GDPD4: variants seen among roughly 807,000 people sequenced by gnomAD.
GDPD4 encodes the protein glycerophosphodiester phosphodiesterase domain containing 4.
A neutral mutation model predicts 67.8 loss-of-function variants in GDPD4; 60 were observed. That is an observed-to-expected ratio of 0.88 (90% CI 0.72 to 1.10). The LOEUF (loss-of-function observed/expected upper bound fraction) is 1.10. GDPD4 is among the 50% of genes least tolerant of loss of function. The probability of loss-of-function intolerance (pLI) is 0.00; values close to 1 mark genes in which losing one functional copy is unlikely to be tolerated. For synonymous variants in GDPD4, 212 were observed against 210.9 expected (o/e 1.00, Z -0.04); for missense variants, 623 against 613.9 (o/e 1.01, Z -0.16).
At chr11:77,281,638 G>C (rs1421894818) in intron 3 of GDPD4, among the ~76,000 whole-genome samples, 1 of 152,192 alleles carries the variant, frequency 6.6e-6, no homozygotes, top group East Asian at 1.9e-4. Context: ...ATTGGCTGAG[G>C]TACAGGAAGC....
chr11:77,243,578 G>A, intron 13 of GDPD4, 116 bp downstream of exon 13: 3 of 888,806 alleles, frequency 3.4e-6, no homozygotes, highest in East Asian at 4.9e-5. Flanking sequence ...ATTCAAAGGA[G>A]ATAACCACAC....
At position 77,240,138 on chromosome 11, in the gene GDPD4, A is replaced by AAT. The variant is rs1486261047; in HGVS notation, c.1241+3555_1241+3556insAT. Reference sequence around the variant, plus strand: ...GTAATTTTTCACAGAAATAAAAAAAAAATCCTTAAATTTGTATGACCACTA... The same window carrying AAT: ...GTAATTTTTCACAGAAATAAAAAAAAATAATCCTTAAATTTGTATGACCACTA... On this transcript the variant is annotated intron_variant, in intron 13 of 16. Transcript: ENST00000315938. 1.3e-5 allele frequency among the ~76,000 whole-genome samples: 2 copies of AAT among 151,798 alleles called. 1 individual carries two copies. Among genetic ancestry groups the AAT allele is most frequent in the Non-Finnish European group, 2.9e-5 (2 of 67,944 alleles).
chr11:77,230,699 T>C (rs113338124), intron 14 of GDPD4, among the ~76,000 whole-genome samples: 2,431 of 152,318 alleles, frequency 0.016, 21 homozygotes, highest in African/African-American at 0.025. Flanking sequence ...TTGTGAAGTA[T>C]GTATGTGGCA....
chr11:77,265,127 A>C (rs959440909), intron 10 of GDPD4, among the ~76,000 whole-genome samples: 4 of 152,212 alleles, frequency 2.6e-5, no homozygotes, highest in South Asian at 2.1e-4. Flanking sequence ...TACAAGCTTC[A>C]ATCATCTGGC....
rs1444379306 is a variant in GDPD4, at chr11:77,217,231, C to CACA, written c.*43_*45dup. 6.1e-6 allele frequency: 9 copies of CACA among 1,469,832 alleles called. No homozygotes were observed. Among genetic ancestry groups the CACA allele is most frequent in the Non-Finnish European group, 8.6e-6 (9 of 1,048,578 alleles). The allele number at this position is 1,469,832 out of a possible 1,614,324, so 91.0% of individuals were successfully genotyped here. On this transcript the variant is annotated 3_prime_UTR_variant, in exon 17 of 17. Coordinates refer to ENST00000315938, the MANE Select transcript of GDPD4 (RefSeq NM_182833.3). The stretch of plus-strand genomic sequence containing the variant: ...GGGCTGCTAGAGTCCAAGGACCTTC[C>CACA]ACAACTCGGACAGGAGGTTTCATGG...
intron 11 of GDPD4, among the ~76,000 whole-genome samples, chr11:77,251,144 T>C (rs1325522083): frequency 6.6e-6 from 1 of 152,210 alleles, no homozygotes; most frequent in Non-Finnish European, 1.5e-5. Flanking sequence ...ACATTCAAGG[T>C]TATTATAATA....
At chr11:77,297,601 G>T (rs1938019818) in intron 1 of GDPD4, among the ~76,000 whole-genome samples, 1 of 150,684 alleles carries the variant, frequency 6.6e-6, no homozygotes. Context: ...TCCCAGCTTT[G>T]CCATATTTAG....
At chr11:77,217,793 G>A (rs1319575699) in intron 16 of GDPD4, among the ~76,000 whole-genome samples, 1 of 152,106 alleles carries the variant, frequency 6.6e-6, no homozygotes, top group African/African-American at 2.4e-5. Flanking sequence ...TAATAATGGA[G>A]CTAGGAGATC....
In GDPD4 at chr11:77,245,192, T is replaced by C. The variant is rs552412875; in HGVS notation, c.1086+89A>G. 6.0e-4 allele frequency: 526 copies of C among 879,274 alleles called. 2 individuals are homozygous for C. Among genetic ancestry groups the C allele is most frequent in the Middle Eastern group, 4.9e-3 (22 of 4,468 alleles). The allele number at this position is 879,274 out of a possible 1,614,324, so 54.5% of individuals were successfully genotyped here. On this transcript the variant is annotated intron_variant, in intron 12 of 16. Coordinates refer to ENST00000315938, the MANE Select transcript of GDPD4 (RefSeq NM_182833.3). ...AATTACTTAAGGATCCCAGGGTAGA[T>C]GTACAAGGTAGGTCAAGTTCAACTA... is the stretch of plus-strand genomic sequence containing the variant.
chr11:77,222,693 C>G (rs1313500536), intron 16 of GDPD4, among the ~76,000 whole-genome samples: 1 of 152,160 alleles, frequency 6.6e-6, no homozygotes, highest in Non-Finnish European at 1.5e-5. Context: ...CTTTGTGAAT[C>G]TGACAATTAT....
intron 14 of GDPD4, among the ~76,000 whole-genome samples, chr11:77,232,334 G>T (rs1958470534): frequency 6.6e-6 from 1 of 152,214 alleles, no homozygotes; most frequent in Non-Finnish European, 1.5e-5. Flanking sequence ...ACTGTTTTCT[G>T]TTGTATGCTA....
chr11:77,271,306 G>T lies in GDPD4; in HGVS notation c.295C>A (p.Leu99Met). The T allele has an allele frequency of 6.2e-7, 1 of 1,612,806 alleles. No individual in the cohort carries two copies. Residue 99 changes from leucine to methionine, a missense_variant, in exon 6 of 17, where the codon CTG (leucine) becomes ATG (methionine). Leu to Met is a conservative substitution (Grantham distance 15). Coordinates refer to ENST00000315938, the MANE Select transcript of GDPD4 (RefSeq NM_182833.3). Reference protein sequence around the residue: ...FWKERWLVAGLSMQIFAPYVH... With the variant: ...FWKERWLVAGMSMQIFAPYVH... ...AGGATGATGCTTACCTGCATTGACA[G>T]CCCAGCTACCAGCCACCTTTCTTTC...
intron 7 of GDPD4, 135 bp downstream of exon 7, chr11:77,270,995 C>A: frequency 1.5e-6 from 1 of 653,520 alleles, no homozygotes; most frequent in South Asian, 1.9e-5. Context: ...CAGGAGCATG[C>A]CTGAGTAACA....
intron 10 of GDPD4, among the ~76,000 whole-genome samples, chr11:77,266,819 T>C (rs752083349): frequency 1.3e-5 from 2 of 152,246 alleles, no homozygotes; most frequent in Non-Finnish European, 2.9e-5. Context: ...TTTGTACAGC[T>C]GTACAATGTA....
chr11:77,298,800 T>C (rs959777021), intron 1 of GDPD4, among the ~76,000 whole-genome samples: 1 of 152,092 alleles, frequency 6.6e-6, no homozygotes, highest in Admixed American at 6.5e-5. Context: ...CATTTCAAAA[T>C]ATGGCAAAGA....
intron 1 of GDPD4, among the ~76,000 whole-genome samples, chr11:77,289,169 T>C (rs1591580596): frequency 2.0e-5 from 3 of 149,744 alleles, no homozygotes; most frequent in East Asian, 4.0e-4. Context: ...CGAGACCAGC[T>C]TGGCCAACAT....
chr11:77,265,019 A>C (rs1959171875), intron 10 of GDPD4, among the ~76,000 whole-genome samples: 1 of 152,132 alleles, frequency 6.6e-6, no homozygotes, highest in African/African-American at 2.4e-5. Context: ...CTGTTTAATA[A>C]GACAACCTTT....
At chr11:77,290,838 C>A (rs1389687190) in intron 1 of GDPD4, among the ~76,000 whole-genome samples, 1 of 152,084 alleles carries the variant, frequency 6.6e-6, no homozygotes, top group South Asian at 2.1e-4. Context: ...CATTATCTTA[C>A]CCCTGTTAGA....
chr11:77,224,128 C>G (rs1958280069), intron 16 of GDPD4: 1 of 152,238 alleles, frequency 6.6e-6, no homozygotes, highest in African/African-American at 2.4e-5. Context: ...AAAGGGAAAT[C>G]CCCCGACCCC....
Sources: gnomAD v4.1 joint callset for allele counts (sites outside exome capture counted in the v4.1 genomes callset) on GRCh38, gnomAD v4.1.1 for gene constraint, MANE v1.5 for transcripts, NCBI Gene and HGNC (gene_info 2026-07-23, HGNC 2026-07-21) for gene names.